The following CRACDL variants were observed in gnomAD, a reference collection of about 807,000 sequenced individuals.
CRACDL encodes the protein CRACD-like protein.
In CRACDL, 26 loss-of-function variants were observed where a neutral mutation model predicts 70.6. The ratio of observed to expected loss-of-function variants is 0.37; its 90% confidence interval spans 0.27 to 0.51. CRACDL has a LOEUF of 0.51. Among genes scored for constraint, CRACDL ranks in the 20% least tolerant of loss-of-function variants. CRACDL has a pLI of 0.94. For synonymous variants in CRACDL, 618 were observed against 615.2 expected (o/e 1.00, Z -0.07); for missense variants, 1,283 against 1,376.9 (o/e 0.93, Z 1.08).
intron 1 of CRACDL, among the ~76,000 whole-genome samples, chr2:98,917,976 A>G (rs770813912): frequency 6.6e-6 from 1 of 152,238 alleles, no homozygotes; most frequent in Non-Finnish European, 1.5e-5. Context: ...GCTGAATAGT[A>G]TTCCACTGTG....
rs554940049 is a variant in CRACDL, at chr2:98,897,370, C to T, written c.-11+38568G>A. On this transcript the variant is annotated intron_variant, in intron 1 of 9. Coordinates refer to ENST00000397899, the MANE Select transcript of CRACDL (RefSeq NM_207362.3). ...TATATATTTGCCTTGCTCCTCTTAG[C>T]ACCTACCTTTTATCTTGCACGGACG... 3 of 1,303,534 alleles carry T rather than the reference C, an allele frequency of 2.3e-6. No homozygotes were observed. The African/African-American group carries it at 4.5e-5, about 20-fold the overall frequency. 80.7% of individuals were successfully genotyped at this position (1,303,534 alleles called of 1,614,324 possible). A position where few individuals can be genotyped will look rare whatever the true frequency, so the allele number is the denominator to read the frequency against.
At chr2:98,827,195 C>G (rs374047891) in intron 5 of CRACDL, 26 bp from the exon 6 acceptor site, 1 of 1,564,740 alleles carries the variant, frequency 6.4e-7, no homozygotes, top group Admixed American at 1.7e-5. Context: ...AACAAACACA[C>G]GGAGCATGAA....
intron 1 of CRACDL, among the ~76,000 whole-genome samples, chr2:98,883,118 G>C (rs912658110): frequency 6.6e-6 from 1 of 152,216 alleles, no homozygotes; most frequent in Non-Finnish European, 1.5e-5. Flanking sequence ...GTGGCAGCAA[G>C]GTCCTTGGAT....
At chr2:98,908,701 G>A (rs1274662820) in intron 1 of CRACDL, among the ~76,000 whole-genome samples, 2 of 152,206 alleles carry the variant, frequency 1.3e-5, no homozygotes, top group Non-Finnish European at 2.9e-5. Context: ...GGGTTTCCAA[G>A]GTGGCTTACA....
chr2:98,847,804 C>T (rs1330901319), intron 1 of CRACDL, among the ~76,000 whole-genome samples: 1 of 152,124 alleles, frequency 6.6e-6, no homozygotes, highest in Non-Finnish European at 1.5e-5. Flanking sequence ...AATATTTAAC[C>T]AATTCACGTT....
intron 8 of CRACDL, among the ~76,000 whole-genome samples, 192 bp from the exon 9 acceptor site, chr2:98,796,456 C>CT (rs1261952972): frequency 6.6e-6 from 1 of 152,244 alleles, no homozygotes; most frequent in East Asian, 1.9e-4. Flanking sequence ...AGTATGCGGC[C>CT]TTATCCTGGC....
chr2:98,925,564 G>A lies in CRACDL; in HGVS notation c.-11+10374C>T, dbSNP rs1708891600. 2.0e-5 allele frequency among the ~76,000 whole-genome samples: 3 copies of A among 152,294 alleles called. No homozygotes were observed. The South Asian group carries it at 6.2e-4, about 32-fold the overall frequency. ...GACAACCACACAGCACGCACAGGCA[G>A]AGGGGCAAAGGCATCAGGGTTCACC... On this transcript the variant is annotated intron_variant, in intron 1 of 9. Coordinates refer to ENST00000397899, the MANE Select transcript of CRACDL (RefSeq NM_207362.3).
intron 7 of CRACDL, among the ~76,000 whole-genome samples, chr2:98,820,526 G>A (rs1355266518): frequency 3.3e-5 from 5 of 152,078 alleles, no homozygotes; most frequent in East Asian, 1.9e-4. Context: ...AGAGTGAGAC[G>A]GAGTCTCAAA....
At chr2:98,858,792 TAATAAGAAGGC>T (rs1212195907) in intron 1 of CRACDL, among the ~76,000 whole-genome samples, 1 of 152,000 alleles carries the variant, frequency 6.6e-6, no homozygotes, top group African/African-American at 2.4e-5. Flanking sequence ...CTAAAACCAA[TAATAAGAAGGC>T]ATCACTACCA....
Position 98,819,815 on chromosome 2 carries a change from CTTTTTTTTTTTTT to C in CRACDL, c.2416+2029_2416+2041del. 2.0e-5 allele frequency among the ~76,000 whole-genome samples: 2 copies of C among 99,030 alleles called. 1 individual carries two copies. The highest frequency in any genetic ancestry group is 2.4e-4 in the Admixed American group (2 of 8,434). The allele number at this position is 99,030 out of a possible 152,430, so 65.0% of individuals were successfully genotyped here. On this transcript the variant is annotated intron_variant, in intron 7 of 9. Coordinates refer to ENST00000397899, the MANE Select transcript of CRACDL (RefSeq NM_207362.3). Reference sequence around the variant, plus strand: ...CACTGCTTGAGTAGCCTGAAACATTCTTTTTTTTTTTTTTTTTTTTTTGAGATGGAGTCTCGCT... The same window carrying C: ...CACTGCTTGAGTAGCCTGAAACATTCTTTTTTTTTGAGATGGAGTCTCGCT...
At chr2:98,867,691 G>A (rs959990803) in intron 1 of CRACDL, among the ~76,000 whole-genome samples, 1 of 152,198 alleles carries the variant, frequency 6.6e-6, no homozygotes, top group Non-Finnish European at 1.5e-5. Flanking sequence ...GTCTTGCAAA[G>A]AGGCCATCTA....
intron 1 of CRACDL, among the ~76,000 whole-genome samples, chr2:98,873,241 C>A (rs1707398134): frequency 6.6e-6 from 1 of 152,238 alleles, no homozygotes; most frequent in African/African-American, 2.4e-5. Flanking sequence ...GGGGCAATTT[C>A]TGTCTTTTTC....
intron 5 of CRACDL, among the ~76,000 whole-genome samples, chr2:98,827,511 TA>T (rs533881510): frequency 2.9e-4 from 44 of 152,304 alleles, no homozygotes; most frequent in African/African-American, 9.6e-4. Context: ...AGGCTGGTCT[TA>T]AACTCCTGAC....
At chr2:98,805,265 C>T (rs1704238166) in intron 7 of CRACDL, among the ~76,000 whole-genome samples, 1 of 152,152 alleles carries the variant, frequency 6.6e-6, no homozygotes. Flanking sequence ...GCATATTATT[C>T]TTCAATTAGA....
rs1175748958 is a variant in CRACDL, at chr2:98,905,188, T to C, written c.-11+30750A>G. ...TGGCGTGAACCCGGGAGGCGGAGCT[T>C]GCAGTGAGCCGAGATTGCACCACTG... is the stretch of plus-strand genomic sequence containing the variant. On this transcript the variant is annotated intron_variant, in intron 1 of 9. Transcript: ENST00000397899. 2.0e-5 allele frequency among the ~76,000 whole-genome samples: 3 copies of C among 147,744 alleles called. 1 individual carries two copies. Among genetic ancestry groups the C allele is most frequent in the Non-Finnish European group, 4.5e-5 (3 of 67,140 alleles).
chr2:98,896,479 C>A (rs972098426), intron 1 of CRACDL, among the ~76,000 whole-genome samples: 13 of 152,166 alleles, frequency 8.5e-5, no homozygotes, highest in Non-Finnish European at 1.6e-4. Context: ...AACCTGTGCC[C>A]TACATTCACC....
At chr2:98,856,499 A>G (rs1157891594) in intron 1 of CRACDL, among the ~76,000 whole-genome samples, 2 of 152,170 alleles carry the variant, frequency 1.3e-5, no homozygotes, top group African/African-American at 4.8e-5. Context: ...CCAAGCAGTA[A>G]CTTGAATCTA....
chr2:98,866,024 C>A (rs1707125087), intron 1 of CRACDL, among the ~76,000 whole-genome samples: 1 of 152,036 alleles, frequency 6.6e-6, no homozygotes, highest in Non-Finnish European at 1.5e-5. Context: ...CACTTGTGTG[C>A]AAAACCTTCT....
In CRACDL at chr2:98,823,067, A is replaced by G; in HGVS notation, c.1206T>C (p.Phe402=). 1 of 1,570,436 alleles carries G rather than the reference A, an allele frequency of 6.4e-7. No individual in the cohort carries two copies. Among genetic ancestry groups the G allele is most frequent in the East Asian group, 2.5e-5 (1 of 39,862 alleles). Residue 402 remains phenylalanine, a synonymous_variant, in exon 7 of 10, where the codon TTT becomes TTC. Transcript: ENST00000397899. The surrounding 1 kb of genome is among the most constrained non-coding windows in gnomAD (Gnocchi z 4.0). ...VCAPEDVASP[F]PTAIPEGDTT... ...TGTCCCCCTCAGGGATGGCGGTGGG[A>G]AACGGGCTCGCGACGTCTTCGGGAG... is the stretch of plus-strand genomic sequence containing the variant.
Sources: allele counts gnomAD v4.1 joint callset (sites outside exome capture counted in the v4.1 genomes callset), GRCh38; gene constraint gnomAD v4.1.1; non-coding constraint Gnocchi (gnomAD v3.1); transcripts MANE v1.5; gene names NCBI Gene and HGNC (gene_info 2026-07-23, HGNC 2026-07-21).